The following NKAIN3 variants were observed in gnomAD, a reference collection of about 807,000 sequenced individuals.
NKAIN3 encodes sodium/potassium transporting ATPase interacting 3.
In NKAIN3, 25 loss-of-function variants were observed where a neutral mutation model predicts 30.2. The ratio of observed to expected loss-of-function variants is 0.83; its 90% CI spans 0.60 to 1.16. The LOEUF (loss-of-function observed/expected upper bound fraction) is 1.16. Among genes scored for constraint, NKAIN3 ranks in the 50% most tolerant of loss-of-function variants. The pLI is 0.00. For missense variants in NKAIN3, 225 were observed against 254.1 expected, an observed-to-expected ratio of 0.89 and a Z score of 0.78; for synonymous variants, 91 against 89.6, an observed-to-expected ratio of 1.02 and a Z score of -0.09.
intron 4 of NKAIN3, among the ~76,000 whole-genome samples, chr8:62,822,062 C>G (rs1043623155): frequency 3.9e-5 from 6 of 152,048 alleles, no homozygotes; most frequent in Admixed American, 3.9e-4. Flanking sequence ...ATTCATTTTT[C>G]TCATTACTGG....
chr8:62,502,000 C>G (rs2129684558), intron 1 of NKAIN3, among the ~76,000 whole-genome samples: 1 of 152,260 alleles, frequency 6.6e-6, no homozygotes, highest in Middle Eastern at 3.4e-3. Context: ...TTCCAATTTT[C>G]TAGGTGTGCC....
intron 3 of NKAIN3, among the ~76,000 whole-genome samples, chr8:62,740,511 A>G (rs965117768): frequency 1.3e-5 from 2 of 152,164 alleles, no homozygotes; most frequent in Admixed American, 6.5e-5. Context: ...CTAGAAATAG[A>G]AAGCATTACA....
chr8:62,900,485 A>G (rs1821579931), intron 4 of NKAIN3, among the ~76,000 whole-genome samples: 1 of 152,194 alleles, frequency 6.6e-6, no homozygotes, highest in South Asian at 2.1e-4. Flanking sequence ...GGTTAACATC[A>G]TGGGCTCCAA....
At chr8:62,949,631 G>A (rs1201803491) in intron 5 of NKAIN3, among the ~76,000 whole-genome samples, 1 of 152,184 alleles carries the variant, frequency 6.6e-6, no homozygotes, top group Non-Finnish European at 1.5e-5. Flanking sequence ...ATCTTTGATG[G>A]TAACACCTCA....
chr8:62,261,295 G>A (rs1812432313), intron 1 of NKAIN3, among the ~76,000 whole-genome samples: 1 of 152,066 alleles, frequency 6.6e-6, no homozygotes, highest in Non-Finnish European at 1.5e-5. Context: ...AAATCCTTTG[G>A]TTTTAATAAT....
chr8:62,829,742 T>TGATAGATAGATAGATATA (rs1554582323), intron 4 of NKAIN3, among the ~76,000 whole-genome samples: 1 of 150,266 alleles, frequency 6.7e-6, no homozygotes, highest in Non-Finnish European at 1.5e-5. Context: ...GATAGATAGA[T>TGATAGATAGATAGATATA]GATAGATAGA....
chr8:62,266,790 C>G (rs1016698967), intron 1 of NKAIN3, among the ~76,000 whole-genome samples: 1 of 152,176 alleles, frequency 6.6e-6, no homozygotes, highest in African/African-American at 2.4e-5. Context: ...TGGCAGTGAC[C>G]CGACAACTCA....
chr8:62,739,849 C>T (rs762002483), intron 3 of NKAIN3, among the ~76,000 whole-genome samples: 1 of 152,136 alleles, frequency 6.6e-6, no homozygotes, highest in Non-Finnish European at 1.5e-5. Context: ...AATCTGTAGG[C>T]TGCTCTTTAT....
chr8:62,812,446 C>T (rs1039272486), intron 4 of NKAIN3, among the ~76,000 whole-genome samples: 1 of 151,730 alleles, frequency 6.6e-6, no homozygotes, highest in African/African-American at 2.4e-5. Flanking sequence ...TTTCTTGAGT[C>T]TTCCAATGGC....
chr8:62,462,092 C>T (rs918572943), intron 1 of NKAIN3, among the ~76,000 whole-genome samples: 2 of 152,088 alleles, frequency 1.3e-5, no homozygotes, highest in Non-Finnish European at 2.9e-5. Flanking sequence ...ATAAAGATGG[C>T]TTCTCATGGA....
chr8:62,857,173 C>G (rs1222298795), intron 4 of NKAIN3: 1 of 315,194 alleles, frequency 3.2e-6, no homozygotes, highest in Non-Finnish European at 6.1e-6. Flanking sequence ...GGGCCCCAAT[C>G]TCTTCTGGCT....
chr8:62,756,649 C>T (rs1471512), intron 4 of NKAIN3, among the ~76,000 whole-genome samples: 26,554 of 152,056 alleles, frequency 0.17, 2,522 homozygotes, highest in East Asian at 0.29. Context: ...AGCTCTTACA[C>T]GGATGCCTGG....
intron 1 of NKAIN3, among the ~76,000 whole-genome samples, chr8:62,433,162 A>G (rs960992090): frequency 3.9e-5 from 6 of 152,288 alleles, no homozygotes; most frequent in African/African-American, 1.4e-4. Flanking sequence ...ATTTCAGTTC[A>G]ATGCAACTGA....
chr8:62,762,975 G>A (rs893921950), intron 4 of NKAIN3, among the ~76,000 whole-genome samples: 10 of 151,874 alleles, frequency 6.6e-5, no homozygotes, highest in African/African-American at 1.7e-4. Context: ...TGTAATCCCA[G>A]CACTTCGGAG....
chr8:62,893,131 T>C lies in NKAIN3; in HGVS notation c.472-25322T>C, dbSNP rs60544931. Reference sequence around the variant, plus strand: ...ACTTCTCCAGATAAATGCAGAGACCTACAAATTTGTGCATAAAAGGTTGAG... The same window carrying C: ...ACTTCTCCAGATAAATGCAGAGACCCACAAATTTGTGCATAAAAGGTTGAG... On this transcript the variant is annotated intron_variant, in intron 4 of 6. Coordinates refer to ENST00000623646, the MANE Select transcript of NKAIN3 (RefSeq NM_001304533.3). Among the ~76,000 whole-genome samples, 1,446 of 152,290 alleles carry C rather than the reference T, an allele frequency of 9.5e-3. 25 individuals are homozygous for C. Among genetic ancestry groups the C allele is most frequent in the African/African-American group, 0.034 (1,404 of 41,552 alleles).
chr8:62,941,156 C>T (rs537522274), intron 5 of NKAIN3, among the ~76,000 whole-genome samples: 3 of 151,866 alleles, frequency 2.0e-5, no homozygotes, highest in East Asian at 1.9e-4. Flanking sequence ...CTAGAGAAGA[C>T]GGATAAATTC....
At chr8:62,729,188 G>T (rs1381376542) in intron 3 of NKAIN3, among the ~76,000 whole-genome samples, 1 of 152,000 alleles carries the variant, frequency 6.6e-6, no homozygotes, top group East Asian at 1.9e-4. Flanking sequence ...AAAAAGAAAC[G>T]ATTTATTTAG....
chr8:62,878,134 T>C (rs954960670), intron 4 of NKAIN3, among the ~76,000 whole-genome samples: 1 of 151,988 alleles, frequency 6.6e-6, no homozygotes, highest in African/African-American at 2.4e-5. Context: ...TTTGTTTCAA[T>C]CTTCTCATTT....
intron 1 of NKAIN3, among the ~76,000 whole-genome samples, chr8:62,384,318 C>T (rs1278653629): frequency 6.6e-6 from 1 of 152,088 alleles, no homozygotes; most frequent in African/African-American, 2.4e-5. Flanking sequence ...TTTAACATTG[C>T]ATGTTTACAT....
Sources: gnomAD v4.1 joint callset for allele counts (sites outside exome capture counted in the v4.1 genomes callset) on GRCh38, gnomAD v4.1.1 for gene constraint, MANE v1.5 for transcripts, NCBI Gene and HGNC (gene_info 2026-07-23, HGNC 2026-07-21) for gene names.